Variants in SPRED2 observed in about 807,000 individuals in gnomAD.
The protein encoded by SPRED2 is sprouty-related, EVH1 domain-containing protein 2.
A neutral mutation model predicts 43.0 loss-of-function variants in SPRED2; 47 were observed. That is an observed-to-expected ratio of 1.09 (90% confidence interval 0.87 to 1.40). The LOEUF is 1.40. Ranked by LOEUF, SPRED2 falls within the 40% of genes most tolerant of loss-of-function variation. SPRED2 has a pLI of 0.00. For missense variants in SPRED2, 561 were observed against 586.4 expected, an observed-to-expected ratio of 0.96 and a Z score of 0.45; for synonymous variants, 225 against 225.7, an observed-to-expected ratio of 1.00 and a Z score of 0.03.
chr2:65,342,963 A>G (rs78340955), intron 2 of SPRED2, among the ~76,000 whole-genome samples: 1 of 152,120 alleles, frequency 6.6e-6, no homozygotes, highest in African/African-American at 2.4e-5. Flanking sequence ...AAAAAGTACA[A>G]AGTGGGAAAA....
At chr2:65,398,008 C>T (rs1267759565) in intron 1 of SPRED2, among the ~76,000 whole-genome samples, 2 of 152,182 alleles carry the variant, frequency 1.3e-5, no homozygotes, top group African/African-American at 4.8e-5. Flanking sequence ...GCCATAGTCA[C>T]CCAAACAGCA....
chr2:65,322,977 T>C (rs1209534683), intron 4 of SPRED2, among the ~76,000 whole-genome samples: 1 of 152,170 alleles, frequency 6.6e-6, no homozygotes, highest in Non-Finnish European at 1.5e-5. Context: ...AAATATGCCT[T>C]ACTAATATGT....
chr2:65,328,291 T>TC (rs1673705145), intron 4 of SPRED2, among the ~76,000 whole-genome samples: 1 of 152,160 alleles, frequency 6.6e-6, no homozygotes, highest in Non-Finnish European at 1.5e-5. Flanking sequence ...TAAATGCACA[T>TC]CGTTTAGGCA....
rs923097758 is a variant in SPRED2, at chr2:65,318,779, C to T, written c.439-1896G>A. ...CCCCTGCTTCAGCCTCCTGAGTAGC[C>T]GGGACAATAGGTGTGCACCACCACC... On this transcript the variant is annotated intron_variant, in intron 4 of 5. Coordinates refer to ENST00000356388, the MANE Select transcript of SPRED2 (RefSeq NM_181784.3). 3.3e-5 allele frequency among the ~76,000 whole-genome samples: 5 copies of T among 151,860 alleles called. 1 individual carries two copies. The highest frequency in any genetic ancestry group is 1.2e-4 in the African/African-American group (5 of 41,322).
rs543030994 is a variant in SPRED2, at chr2:65,338,895, G to C, written c.205-4122C>G. Among the ~76,000 whole-genome samples the C allele has an allele frequency of 6.0e-3, 917 of 151,880 alleles. 5 individuals carry two copies. Among genetic ancestry groups the C allele is most frequent in the Middle Eastern group, 0.014 (4 of 294 alleles). The stretch of plus-strand genomic sequence containing the variant: ...CGCCATCCCATCTAGGAAGTGAGGA[G>C]CGTCTCTGCCCGGCAGCCCATCGTC... On this transcript the variant is annotated intron_variant, in intron 2 of 5. Transcript: ENST00000356388.
At position 65,314,106 on chromosome 2, in the gene SPRED2, T is replaced by TGA. The variant is rs780107432; in HGVS notation, c.650_651dup (p.Asn218SerfsTer9). On this transcript the variant is annotated frameshift_variant, in exon 6 of 6. Coordinates refer to ENST00000356388, the MANE Select transcript of SPRED2 (RefSeq NM_181784.3). LOFTEE classifies it high-confidence loss of function. Reference sequence around the variant, plus strand: ...GTCATCCAGATCTTCTCCCGGGGGTTGATGCGCACGATCTCCTCGTCGTCG... The same window carrying TGA: ...GTCATCCAGATCTTCTCCCGGGGGTTGAGATGCGCACGATCTCCTCGTCGTCG... The TGA allele has an allele frequency of 6.2e-7, 1 of 1,612,138 alleles. No homozygotes were observed. The highest frequency in any genetic ancestry group is 1.7e-5 in the Admixed American group (1 of 59,992).
intron 1 of SPRED2, among the ~76,000 whole-genome samples, chr2:65,352,915 G>C (rs533595772): frequency 2.3e-4 from 35 of 152,272 alleles, no homozygotes; most frequent in Non-Finnish European, 4.3e-4. Context: ...TGAGCCACCA[G>C]GCCCAGCCAG....
chr2:65,333,759 T>C (rs568672089), intron 3 of SPRED2, among the ~76,000 whole-genome samples: 2 of 152,372 alleles, frequency 1.3e-5, no homozygotes, highest in African/African-American at 2.4e-5. Flanking sequence ...CTACTGATTA[T>C]AATGTTAAGT....
At chr2:65,429,157 A>T (rs1676622519) in intron 1 of SPRED2, among the ~76,000 whole-genome samples, 1 of 152,244 alleles carries the variant, frequency 6.6e-6, no homozygotes, top group Non-Finnish European at 1.5e-5. Context: ...TTATTTTTTT[A>T]AATTAAGCAC....
Position 65,316,855 on chromosome 2 carries a change from G to T in SPRED2, c.467C>A (p.Ser156Tyr). 1 of 1,613,930 alleles carries T rather than the reference G, an allele frequency of 6.2e-7. No homozygotes were observed. The highest frequency in any genetic ancestry group is 8.5e-7 in the Non-Finnish European group (1 of 1,179,960). Residue 156 changes from serine to tyrosine, a missense_variant, in exon 5 of 6, where the codon TCT (serine) becomes TAT (tyrosine). By Grantham distance (144) the Ser-to-Tyr change is moderately radical (BLOSUM62 -2). Around this residue, in one of 6 missense-constraint regions of SPRED2, gnomAD observed 305 missense variants for 282.4 expected, o/e 1.08. Transcript: ENST00000356388. ...CCGAGTAGGTTGCTCTCTCTTCTGA[G>T]AGGAATTAGAAGAACTGTCTGTAGC... ...TTATDSSSNSSQKREQPTRTI... is the reference protein window; with the variant it reads ...TTATDSSSNSYQKREQPTRTI...
intron 1 of SPRED2, among the ~76,000 whole-genome samples, chr2:65,369,471 C>T (rs1462671131): frequency 6.6e-6 from 1 of 152,196 alleles, no homozygotes; most frequent in African/African-American, 2.4e-5. Flanking sequence ...ATACTTTTCC[C>T]CTGATCTTTT....
intron 3 of SPRED2, among the ~76,000 whole-genome samples, chr2:65,332,815 C>T (rs1178051913): frequency 6.6e-6 from 1 of 152,276 alleles, no homozygotes; most frequent in African/African-American, 2.4e-5. Context: ...CCCTACTTCC[C>T]CCCACCACCC....
intron 4 of SPRED2, among the ~76,000 whole-genome samples, chr2:65,331,060 C>A (rs1376007799): frequency 2.6e-5 from 4 of 152,084 alleles, no homozygotes; most frequent in Non-Finnish European, 1.5e-5. Context: ...ACATATGTGT[C>A]CTGGGTCACA....
chr2:65,382,738 T>G (rs1197332988), intron 1 of SPRED2, among the ~76,000 whole-genome samples: 1 of 152,260 alleles, frequency 6.6e-6, no homozygotes, highest in Non-Finnish European at 1.5e-5. Flanking sequence ...TCACATTCTT[T>G]TTTTTCTTTT....
At chr2:65,336,640 C>A (rs1164362539) in intron 2 of SPRED2, among the ~76,000 whole-genome samples, 1 of 152,132 alleles carries the variant, frequency 6.6e-6, no homozygotes, top group East Asian at 1.9e-4. Context: ...AAGAATTTAA[C>A]AAATGTTATC....
At chr2:65,330,093 C>T (rs1314408564) in intron 4 of SPRED2, among the ~76,000 whole-genome samples, 8 of 152,190 alleles carry the variant, frequency 5.3e-5, no homozygotes, top group Admixed American at 4.6e-4. Context: ...TGATCCCATG[C>T]CCCTCCCTCA....
intron 1 of SPRED2, among the ~76,000 whole-genome samples, chr2:65,401,933 G>A (rs1295063348): frequency 1.3e-4 from 11 of 83,822 alleles, no homozygotes; most frequent in African/African-American, 3.9e-4. Flanking sequence ...ATTAGCGCGC[G>A]CGCGCACACA....
chr2:65,391,447 G>C (rs149520469), intron 1 of SPRED2, among the ~76,000 whole-genome samples: 1 of 152,118 alleles, frequency 6.6e-6, no homozygotes, highest in Non-Finnish European at 1.5e-5. Context: ...CAAACTTTAG[G>C]CAAAATTTGG....
intron 3 of SPRED2, among the ~76,000 whole-genome samples, chr2:65,333,015 C>T (rs1286941899): frequency 1.3e-5 from 2 of 152,234 alleles, no homozygotes; most frequent in South Asian, 2.1e-4. Context: ...CGCCTGCAAT[C>T]CGAGCACTTT....
Sources: gnomAD v4.1 joint callset for allele counts (sites outside exome capture counted in the v4.1 genomes callset) on GRCh38, gnomAD v4.1.1 for gene constraint, gnomAD v4.1.1 regional missense constraint, MANE v1.5 for transcripts, NCBI Gene and HGNC (gene_info 2026-07-23, HGNC 2026-07-21) for gene names.